SPART: variants seen among roughly 807,000 people sequenced by gnomAD.
SPART encodes spartin, also known as spastic paraplegia 20 (Troyer syndrome).
In SPART, 35 loss-of-function variants were observed where a neutral mutation model predicts 58.7. The observed-to-expected ratio is 0.60, with a 90% CI of 0.46 to 0.79. The LOEUF is 0.79. SPART is among the 30% of genes least tolerant of loss of function. SPART has a pLI of 0.00. For synonymous variants in SPART, 284 were observed against 280.7 expected (o/e 1.01, Z -0.12); for missense variants, 730 against 786.1 (o/e 0.93, Z 0.85).
chr13:36,326,355 C>T, intron 5 of SPART: 1 of 544,372 alleles, frequency 1.8e-6, no homozygotes, highest in South Asian at 2.1e-5. Context: ...TCCATTTTCC[C>T]AATAGTAGAA....
chr13:36,345,384 G>A (rs1229690814), intron 1 of SPART: 1 of 152,132 alleles, frequency 6.6e-6, no homozygotes, highest in Admixed American at 6.5e-5. Context: ...TTCCATATAG[G>A]TGCAGTCTTC....
At chr13:36,329,327 A>G in intron 4 of SPART, 35 bp downstream of exon 4, 2 of 1,610,982 alleles carry the variant, frequency 1.2e-6, no homozygotes, top group Non-Finnish European at 1.7e-6. Flanking sequence ...GTACCATTAG[A>G]AGACAACACA....
intron 1 of SPART, among the ~76,000 whole-genome samples, chr13:36,338,582 G>A (rs911071060): frequency 2.0e-5 from 3 of 152,316 alleles, no homozygotes; most frequent in African/African-American, 7.2e-5. Context: ...TCAGGACGCT[G>A]TTTCTCTACA....
chr13:36,326,796 T>A, intron 4 of SPART, 98 bp from the exon 5 acceptor site: 1 of 1,339,488 alleles, frequency 7.5e-7, no homozygotes, highest in Non-Finnish European at 1.0e-6. Context: ...AAATACTAGA[T>A]AAAATTAATG....
Position 36,326,613 on chromosome 13 carries a change from G to A in SPART, c.1250C>T (p.Pro417Leu). 2 of 1,613,462 alleles carry A rather than the reference G, an allele frequency of 1.2e-6. No individual in the cohort carries two copies. Among genetic ancestry groups the A allele is most frequent in the Non-Finnish European group, 8.5e-7 (1 of 1,179,862 alleles). ...PVPEEKPKELPEWSEKVAHNI... is the reference protein window; with the variant it reads ...PVPEEKPKELLEWSEKVAHNI... ...GTGAGCCACTTTTTCACTCCATTCA[G>A]GTAATTCTTTTGGCTTTTCTTCTGG... is the stretch of plus-strand genomic sequence containing the variant. Residue 417 changes from proline to leucine, a missense_variant, in exon 5 of 9, where the codon CCT (proline) becomes CTT (leucine). Pro to Leu is a moderately conservative substitution (Grantham distance 98, BLOSUM62 -3). Transcript: ENST00000438666.
Position 36,335,736 on chromosome 13 carries a change from T to C in SPART, c.95A>G (p.Asn32Ser). 6.2e-7 allele frequency: 1 copy of C among 1,614,166 alleles called. No individual in the cohort carries two copies. Among genetic ancestry groups the C allele is most frequent in the East Asian group, 2.2e-5 (1 of 44,890 alleles). The change falls in exon 2 of 9, where the codon AAT (asparagine) becomes AGT (serine). Residue 32 changes from asparagine (N) to serine (S), a missense_variant. By Grantham distance (46) the Asn-to-Ser change is conservative. Coordinates refer to ENST00000438666, the MANE Select transcript of SPART (RefSeq NM_015087.5). ...TTCCTTCTGACCTAATTCATCTGTA[T>C]TCAGACCTTTGTTAACAAATAAAAA... ...KAFLFVNKGL[N>S]TDELGQKEEA...
At chr13:36,328,319 C>T (rs540333870) in intron 4 of SPART, among the ~76,000 whole-genome samples, 20 of 152,278 alleles carry the variant, frequency 1.3e-4, no homozygotes, top group Non-Finnish European at 2.2e-4. Flanking sequence ...ATGAACAATA[C>T]TAAACTGCCT....
chr13:36,319,795 G>C (rs1457560815), intron 5 of SPART, among the ~76,000 whole-genome samples: 1 of 144,266 alleles, frequency 6.9e-6, no homozygotes, highest in Non-Finnish European at 1.5e-5. Flanking sequence ...AATTACCTAG[G>C]CTGTACTGCC....
chr13:36,329,555 T>A, intron 3 of SPART, 38 bp from the exon 4 acceptor site: 1 of 1,609,342 alleles, frequency 6.2e-7, no homozygotes, highest in Non-Finnish European at 8.5e-7. Context: ...CTAATCAGAA[T>A]TTTTCTTAGA....
rs1325471175 is a variant in SPART at position 36,322,887 on chromosome 13, TG to T, written c.1288+3687del. ...TAAAGGTCTTTGTGGATCTGACAGC[TG>T]GAAGACTGTACTAGGCCAATGGAGT... is the stretch of plus-strand genomic sequence containing the variant. On this transcript the variant is annotated intron_variant, in intron 5 of 8. Coordinates refer to ENST00000438666, the MANE Select transcript of SPART (RefSeq NM_015087.5). 8.5e-5 allele frequency among the ~76,000 whole-genome samples: 13 copies of T among 152,348 alleles called. No individual in the cohort carries two copies. The East Asian group carries it at 1.9e-3, about 23-fold the overall frequency.
chr13:36,322,842 C>CTA (rs932577118), intron 5 of SPART, among the ~76,000 whole-genome samples: 3 of 152,104 alleles, frequency 2.0e-5, no homozygotes, highest in African/African-American at 7.2e-5. Context: ...TTTGTTCATT[C>CTA]TATATAATTT....
upstream of SPART, among the ~76,000 whole-genome samples, chr13:36,350,938 C>T (rs1374837495): frequency 2.0e-5 from 3 of 152,194 alleles, no homozygotes; most frequent in Admixed American, 6.5e-5. Flanking sequence ...CTGTAAATTT[C>T]TGCATACCTC....
At position 36,314,401 on chromosome 13, in the gene SPART, C is replaced by T. The variant is rs139819321; in HGVS notation, c.1309G>A (p.Gly437Ser). The T allele has an allele frequency of 1.9e-6, 3 of 1,613,790 alleles. No individual in the cohort carries two copies. Among genetic ancestry groups the T allele is most frequent in the East Asian group, 2.2e-5 (1 of 44,868 alleles). Residue 437 changes from glycine to serine, a missense_variant, in exon 6 of 9, where the codon GGT becomes AGT. Transcript: ENST00000438666. The stretch of plus-strand genomic sequence containing the variant: ...GTAATCTCAGCACCTTTGACTAAAC[C>T]CCAACTCACCCAGGAAGCACCTTTT... ...ILSGASWVSW[G>S]LVKGAEITGK...
chr13:36,337,444 C>G (rs1254098135), intron 1 of SPART, among the ~76,000 whole-genome samples: 1 of 152,154 alleles, frequency 6.6e-6, no homozygotes, highest in Non-Finnish European at 1.5e-5. Context: ...ATCATGGGGG[C>G]AGTTTGCCCC....
chr13:36,327,634 C>G (rs995972651), intron 4 of SPART, among the ~76,000 whole-genome samples: 6 of 152,006 alleles, frequency 3.9e-5, no homozygotes, highest in Non-Finnish European at 5.9e-5. Flanking sequence ...ATATATGTCT[C>G]TGTGTGTGTG....
At position 36,329,421 on chromosome 13, in the gene SPART, C is replaced by T. The variant is rs1651984796; in HGVS notation, c.1105G>A (p.Val369Met). The part of the protein sequence containing the change: ...DQLKEASGTD[V>M]KQLDQGNKDV... ...TTATTGCCTTGGTCCAACTGTTTCA[C>T]ATCAGTGCCAGAGGCTTCTTTTAGT... The change falls in exon 4 of 9, where the codon GTG becomes ATG. Residue 369 changes from valine to methionine, a missense_variant. Coordinates refer to ENST00000438666, the MANE Select transcript of SPART (RefSeq NM_015087.5). 8.7e-6 allele frequency: 14 copies of T among 1,614,156 alleles called. No individual in the cohort carries two copies. The highest frequency in any genetic ancestry group is 1.1e-5 in the Non-Finnish European group (13 of 1,180,006).
upstream of SPART, among the ~76,000 whole-genome samples, chr13:36,347,207 TTTG>T (rs1162730305): frequency 3.3e-5 from 5 of 151,914 alleles, no homozygotes; most frequent in South Asian, 2.1e-4. Context: ...TAGAACCAGT[TTTG>T]TTGTTGTTGT....
chr13:36,338,059 G>A (rs1158222451), intron 1 of SPART, among the ~76,000 whole-genome samples: 1 of 152,156 alleles, frequency 6.6e-6, no homozygotes, highest in Non-Finnish European at 1.5e-5. Context: ...AAAAGGCTGA[G>A]ATATGAACAG....
In SPART at chr13:36,309,581, C is replaced by T. The variant is rs145813936; in HGVS notation, c.1733+2564G>A. Among the ~76,000 whole-genome samples the T allele has an allele frequency of 1.1e-4, 16 of 152,256 alleles. No individual in the cohort carries two copies. In the East Asian group the frequency reaches 3.1e-3, roughly 29 times the overall value. On this transcript the variant is annotated intron_variant, in intron 8 of 8. Transcript: ENST00000438666. ...TAAAAAAATGAAATCATATCCTTTG[C>T]AGCAACATGGATGCAGCTGGAGGCC...
Sources: gnomAD v4.1 joint callset for allele counts (sites outside exome capture counted in the v4.1 genomes callset) on GRCh38, gnomAD v4.1.1 for gene constraint, MANE v1.5 for transcripts, NCBI Gene and HGNC (gene_info 2026-07-23, HGNC 2026-07-21) for gene names.